PLIN1: variants seen among roughly 807,000 people sequenced by gnomAD.
PLIN1 encodes the protein perilipin-1.
A neutral mutation model predicts 45.8 loss-of-function variants in PLIN1; 37 were observed. That is an observed-to-expected ratio of 0.81 (90% confidence interval 0.62 to 1.06). PLIN1 has a LOEUF of 1.06. Ranked by LOEUF, PLIN1 falls within the 50% of genes least tolerant of loss-of-function variation. The pLI is 0.00. For missense variants in PLIN1, 776 were observed against 716.5 expected (o/e 1.08, Z -0.95); for synonymous variants, 340 against 309.2 (o/e 1.10, Z -1.05).
Position 89,665,604 on chromosome 15 carries a change from G to A in PLIN1, c.1548C>T (p.Ser516=), listed in dbSNP as rs1964320625. 2 of 1,530,812 alleles carry A rather than the reference G, an allele frequency of 1.3e-6. No individual in the cohort carries two copies. The highest frequency in any genetic ancestry group is 1.8e-6 in the Non-Finnish European group (2 of 1,141,232). 94.8% of individuals were successfully genotyped at this position (1,530,812 alleles called of 1,614,324 possible). A position where few individuals can be genotyped will look rare whatever the true frequency, so the allele number is the denominator to read the frequency against. Residue 516 remains serine (S), a synonymous_variant, in exon 9 of 9, where the codon AGC becomes AGT. Coordinates refer to ENST00000300055, the MANE Select transcript of PLIN1 (RefSeq NM_002666.5). The stretch of plus-strand genomic sequence containing the variant: ...CGACTCAGCTCTTCTTGCGCAGCTG[G>A]CTGTAATGCGTGCGGCCCAGGATGG... The part of the protein sequence containing the change: ...MEPILGRTHY[S]QLRKKS
intron 3 of PLIN1, among the ~76,000 whole-genome samples, chr15:89,672,269 G>A (rs1234617741): frequency 1.3e-5 from 2 of 152,268 alleles, no homozygotes; most frequent in Non-Finnish European, 2.9e-5. Context: ...GATCCCGCCT[G>A]GATTGGCCGG....
At chr15:89,666,007 G>T in intron 8 of PLIN1, 65 bp from the exon 9 acceptor site, 2 of 1,225,018 alleles carry the variant, frequency 1.6e-6, no homozygotes, top group Non-Finnish European at 2.2e-6. Flanking sequence ...CTGACCCACC[G>T]CCCCTTCCCG....
intron 2 of PLIN1, among the ~76,000 whole-genome samples, chr15:89,674,439 G>A (rs1964486333): frequency 6.6e-6 from 1 of 152,046 alleles, no homozygotes; most frequent in Non-Finnish European, 1.5e-5. Flanking sequence ...TTATTTTGTA[G>A]AGGAGGGGTC....
intron 1 of PLIN1, chr15:89,677,749 CTTTCTTT>C: frequency 1.9e-6 from 1 of 520,346 alleles, no homozygotes. Flanking sequence ...TCTTTTCTTT[CTTTCTTT>C]TTTTTTTTTT....
intron 1 of PLIN1, among the ~76,000 whole-genome samples, chr15:89,678,265 T>G (rs1964549602): frequency 6.6e-6 from 1 of 151,880 alleles, no homozygotes; most frequent in Non-Finnish European, 1.5e-5. Context: ...ATCCCGGCAC[T>G]TTGGGAGTCC....
At chr15:89,666,181 T>A (rs988264642) in intron 8 of PLIN1, among the ~76,000 whole-genome samples, 31 of 152,290 alleles carry the variant, frequency 2.0e-4, no homozygotes, top group African/African-American at 6.5e-4. Flanking sequence ...AGTTTCAGGA[T>A]CCCCTAGGCC....
intron 6 of PLIN1, 145 bp downstream of exon 6, chr15:89,669,355 C>T (rs1227632500): frequency 5.3e-6 from 4 of 757,416 alleles, no homozygotes; most frequent in Non-Finnish European, 7.0e-6. Flanking sequence ...CCTCTCAAGT[C>T]CTCTTAGAAC....
rs748490480 is a variant in PLIN1, at chr15:89,665,727, G to A, written c.1425C>T (p.Ala475=). 5 of 1,456,706 alleles carry A rather than the reference G, an allele frequency of 3.4e-6. No individual in the cohort carries two copies. The African/African-American group carries it at 4.4e-5, about 13-fold the overall frequency. 90.2% of individuals were successfully genotyped at this position (1,456,706 alleles called of 1,614,324 possible). ...PPGPGLEDEV[A]TPAAPRPGFP... is the part of the protein sequence containing the mutation. The stretch of plus-strand genomic sequence containing the variant: ...AGCCCGGGCGCGGCGCTGCGGGCGT[G>A]GCGACTTCGTCCTCCAGGCCCGGGC... Residue 475 remains alanine, a synonymous_variant, in exon 9 of 9, where the codon GCC becomes GCT. Transcript: ENST00000300055.
intron 8 of PLIN1, 32 bp from the exon 9 acceptor site, chr15:89,665,974 G>T: frequency 3.4e-6 from 5 of 1,454,464 alleles, no homozygotes; most frequent in Non-Finnish European, 4.5e-6. Context: ...TAGAGTCCTG[G>T]CTTGGCCCTG....
Position 89,669,670 on chromosome 15 carries a change from G to A in PLIN1, c.601C>T (p.Pro201Ser), listed in dbSNP as rs762950557. The A allele has an allele frequency of 6.8e-6, 11 of 1,613,864 alleles. No individual in the cohort carries two copies. The South Asian group carries it at 8.8e-5, about 13-fold the overall frequency. Reference sequence around the variant, plus strand: ...TGGGCTTGCTGGTGTCCAGGAGCAGGGGCTGGGTAGGGATTTGGGGGGAAA... The same window carrying A: ...TGGGCTTGCTGGTGTCCAGGAGCAGAGGCTGGGTAGGGATTTGGGGGGAAA... ...LLPPDKEESAPAPGHQQAQKS... is the reference protein window; with the variant it reads ...LLPPDKEESASAPGHQQAQKS... Residue 201 changes from proline to serine, a missense_variant and splice_region_variant, in exon 6 of 9, where the codon CCT becomes TCT. Transcript: ENST00000300055.
At position 89,665,548 on chromosome 15, in the gene PLIN1, C is replaced by A. The variant is rs1244206293; in HGVS notation, c.*35G>T. ...GGTTCTGTTTATTTGTTAGAGAAAC[C>A]CGCCGGCCCGGGGCGCGGCGGCTGG... On this transcript the variant is annotated 3_prime_UTR_variant, in exon 9 of 9. Transcript: ENST00000300055. 5.9e-6 allele frequency: 9 copies of A among 1,521,516 alleles called. No individual in the cohort carries two copies. The East Asian group carries it at 2.3e-4, about 39-fold the overall frequency. The allele number at this position is 1,521,516 out of a possible 1,614,324, so 94.3% of individuals were successfully genotyped here.
Position 89,677,151 on chromosome 15 carries a change from G to C in PLIN1, c.45+294C>G, listed in dbSNP as rs73485551. 6.8e-5 allele frequency: 33 copies of C among 487,094 alleles called. No homozygotes were observed. The East Asian group carries it at 1.3e-3, about 19-fold the overall frequency. The allele number at this position is 487,094 out of a possible 1,614,324, so 30.2% of individuals were successfully genotyped here. A position where few individuals can be genotyped will look rare whatever the true frequency, so the allele number is the denominator to read the frequency against. On this transcript the variant is annotated intron_variant, in intron 2 of 8. Transcript: ENST00000300055. ...GGACAGAGCATGGGCTTCTGCGTCA[G>C]GGTTTAAACAGTAGTTTCCTTCCTC...
chr15:89,677,384 C>T (rs1183007797), intron 2 of PLIN1, 61 bp downstream of exon 2: 14 of 1,345,782 alleles, frequency 1.0e-5, no homozygotes, highest in Admixed American at 1.7e-5. Context: ...TCTCCCCTCC[C>T]TGCTTCTTCC....
At position 89,664,501 on chromosome 15, in the gene PLIN1, T is replaced by C. The variant is rs968821747; in HGVS notation, c.*1082A>G. The C allele has an allele frequency of 6.8e-5, 12 of 177,210 alleles. No individual in the cohort carries two copies. Among genetic ancestry groups the C allele is most frequent in the Non-Finnish European group, 1.4e-4 (12 of 82,960 alleles). The allele number at this position is 177,210 out of a possible 1,614,324, so 11.0% of individuals were successfully genotyped here. On this transcript the variant is annotated 3_prime_UTR_variant, in exon 9 of 9. Transcript: ENST00000300055. ...TATCCATATTATGCAGTAGTTATTATGTGGCCATCAAAAAGAGCGAGTGGG... is the reference window on the plus strand; with the variant it reads ...TATCCATATTATGCAGTAGTTATTACGTGGCCATCAAAAAGAGCGAGTGGG...
chr15:89,667,297 G>T (rs1964363814), intron 7 of PLIN1, 116 bp from the exon 8 acceptor site: 2 of 1,368,176 alleles, frequency 1.5e-6, no homozygotes, highest in South Asian at 1.2e-5. Context: ...AAAACTTCAG[G>T]CCTATTCTGC....
rs1567075921 is a variant in PLIN1, at chr15:89,667,102, G to GACACAGCCA, written c.1042_1043insTGGCTGTGT (p.Ile347_Ser348insLeuAlaVal). 3.1e-6 allele frequency: 5 copies of GACACAGCCA among 1,614,092 alleles called. No homozygotes were observed. In the South Asian group the frequency reaches 5.5e-5, roughly 18 times the overall value. The stretch of plus-strand genomic sequence containing the variant: ...AGCTGCAGGTGCCCATGTCACAGCC[G>GACACAGCCA]AGATGGTGGTCTGGAGGGTCTTCTG... On this transcript the variant is annotated inframe_insertion, in exon 8 of 9. Coordinates refer to ENST00000300055, the MANE Select transcript of PLIN1 (RefSeq NM_002666.5).
chr15:89,664,757 A>C lies in PLIN1; in HGVS notation c.*826T>G. The C allele has an allele frequency of 2.4e-6, 1 of 423,468 alleles. No individual in the cohort carries two copies. 26.2% of individuals were successfully genotyped at this position (423,468 alleles called of 1,614,324 possible). Reference sequence around the variant, plus strand: ...TCCTTTTGCAATATTTGAATTCTGTAATTGTATGAATGCATTTTCTAGATT... The same window carrying C: ...TCCTTTTGCAATATTTGAATTCTGTCATTGTATGAATGCATTTTCTAGATT... On this transcript the variant is annotated 3_prime_UTR_variant, in exon 9 of 9. Coordinates refer to ENST00000300055, the MANE Select transcript of PLIN1 (RefSeq NM_002666.5).
rs1179973686 is a variant in PLIN1, at chr15:89,673,469, G to T, written c.46-55C>A. On this transcript the variant is annotated intron_variant, in intron 2 of 8. Coordinates refer to ENST00000300055, the MANE Select transcript of PLIN1 (RefSeq NM_002666.5). ...CCCACCTCCCTCTCCAGCCTCCCGG[G>T]AAGCTGACCCCGGGGTCATGGGGAC... The T allele has an allele frequency of 1.1e-5, 16 of 1,443,002 alleles. No homozygotes were observed. The African/African-American group carries it at 2.1e-4, about 19-fold the overall frequency. The allele number at this position is 1,443,002 out of a possible 1,614,324, so 89.4% of individuals were successfully genotyped here.
chr15:89,665,196 A>G lies in PLIN1; in HGVS notation c.*387T>C, dbSNP rs1165589933. 1 of 225,762 alleles carries G rather than the reference A, an allele frequency of 4.4e-6. No individual in the cohort carries two copies. Among genetic ancestry groups the G allele is most frequent in the Non-Finnish European group, 9.0e-6 (1 of 110,978 alleles). 14.0% of individuals were successfully genotyped at this position (225,762 alleles called of 1,614,324 possible). ...GACCTTCAGAGTGGTGACAGGAGTT[A>G]CTCATTCGTGGCAAATATTTATCCG... is the stretch of plus-strand genomic sequence containing the variant. On this transcript the variant is annotated 3_prime_UTR_variant, in exon 9 of 9. Transcript: ENST00000300055.
Sources: allele counts gnomAD v4.1 joint callset (sites outside exome capture counted in the v4.1 genomes callset), GRCh38; gene constraint gnomAD v4.1.1; transcripts MANE v1.5; gene names NCBI Gene and HGNC (gene_info 2026-07-23, HGNC 2026-07-21).